The following DTNA variants were observed in gnomAD, a reference collection of about 807,000 sequenced individuals.
The protein encoded by DTNA is dystrophin-related protein 3.
In DTNA, 43 loss-of-function variants were observed where a neutral mutation model predicts 100.7. The observed-to-expected ratio is 0.43, with a 90% CI of 0.33 to 0.55. The LOEUF is 0.55. Ranked by LOEUF, DTNA falls within the 20% of genes least tolerant of loss-of-function variation. DTNA has a pLI of 0.04. For synonymous variants in DTNA, 349 were observed against 347.9 expected (o/e 1.00, Z -0.04); for missense variants, 798 against 953.9 (o/e 0.84, Z 2.15).
intron 5 of DTNA, among the ~76,000 whole-genome samples, chr18:34,808,787 G>C (rs1480881741): frequency 6.6e-6 from 1 of 152,120 alleles, no homozygotes; most frequent in Non-Finnish European, 1.5e-5. Flanking sequence ...ATCCTCTTTA[G>C]GGCAGTGAAA....
At chr18:34,666,473 GT>G (rs2075946284) in intron 1 of DTNA, among the ~76,000 whole-genome samples, 1 of 151,928 alleles carries the variant, frequency 6.6e-6, no homozygotes, top group Non-Finnish European at 1.5e-5. Flanking sequence ...TGCTTTTGGT[GT>G]TTTAGACATG....
At chr18:34,786,936 G>C (rs2094529619) in intron 3 of DTNA, among the ~76,000 whole-genome samples, 1 of 152,096 alleles carries the variant, frequency 6.6e-6, no homozygotes, top group Non-Finnish European at 1.5e-5. Flanking sequence ...AAAGGACTGA[G>C]AACTACTGAC....
intron 1 of DTNA, among the ~76,000 whole-genome samples, chr18:34,747,104 C>CTATATATATATATATATATATATATATA (rs35537934): frequency 5.7e-4 from 84 of 148,274 alleles, no homozygotes; most frequent in African/African-American, 2.1e-3. Flanking sequence ...ATATCTGTAT[C>CTATATATATATATATATATATATATATA]TATATATATA....
Position 34,746,212 on chromosome 18 carries a change from G to A in DTNA, c.-1-9764G>A, listed in dbSNP as rs576843460. On this transcript the variant is annotated intron_variant, in intron 1 of 22. Transcript: ENST00000444659. ...GGGGGGGACTTTTTAATTATTTGGGGTTTTTTTTCATTTATACCTAATCCT... is the reference window on the plus strand; with the variant it reads ...GGGGGGGACTTTTTAATTATTTGGGATTTTTTTTCATTTATACCTAATCCT... Among the ~76,000 whole-genome samples the A allele has an allele frequency of 4.7e-5, 7 of 150,192 alleles. No individual in the cohort carries two copies. In the South Asian group the frequency reaches 1.3e-3, roughly 27 times the overall value.
intron 1 of DTNA, among the ~76,000 whole-genome samples, chr18:34,613,550 A>G (rs752349107): frequency 2.6e-5 from 4 of 152,260 alleles, no homozygotes; most frequent in Admixed American, 1.3e-4. Context: ...CCAGTAAACC[A>G]TATGAATGAT....
intron 1 of DTNA, among the ~76,000 whole-genome samples, chr18:34,502,762 A>T (rs2040064163): frequency 6.6e-6 from 1 of 152,154 alleles, no homozygotes; most frequent in Admixed American, 6.5e-5. Flanking sequence ...GTTGAGGTTT[A>T]TTTTATGTCC....
intron 1 of DTNA, among the ~76,000 whole-genome samples, chr18:34,666,096 C>T (rs192139215): frequency 6.6e-6 from 1 of 152,222 alleles, no homozygotes; most frequent in Admixed American, 6.5e-5. Context: ...TGTTTCCTGA[C>T]TTTTAATGAT....
chr18:34,701,739 C>A (rs983642769), intron 1 of DTNA, among the ~76,000 whole-genome samples: 5 of 152,166 alleles, frequency 3.3e-5, no homozygotes, highest in Admixed American at 2.0e-4. Context: ...TCTCAGAATG[C>A]TGGGAGGTTG....
Position 34,798,666 on chromosome 18 carries a change from A to G in DTNA, c.362+4416A>G, listed in dbSNP as rs960515350. Among the ~76,000 whole-genome samples, 4 of 152,358 alleles carry G rather than the reference A, an allele frequency of 2.6e-5. No individual in the cohort carries two copies. In the South Asian group the frequency reaches 8.3e-4, roughly 32 times the overall value. ...ATATATACTCAGTCACTCAAAAATC[A>G]TAGTATGACAGTTAAAAATATTAAA... On this transcript the variant is annotated intron_variant, in intron 4 of 22. Coordinates refer to ENST00000444659, the MANE Select transcript of DTNA (RefSeq NM_001386795.1).
intron 1 of DTNA, chr18:34,493,866 C>T (rs1399241927): frequency 2.0e-5 from 3 of 148,098 alleles, no homozygotes; most frequent in African/African-American, 7.3e-5. Context: ...CACCTGTGCG[C>T]CGGCGCCGGC....
chr18:34,845,995 G>C (rs2096370393), intron 13 of DTNA, among the ~76,000 whole-genome samples: 1 of 152,064 alleles, frequency 6.6e-6, no homozygotes, highest in Non-Finnish European at 1.5e-5. Flanking sequence ...AAATACTCTT[G>C]AACAACTCTC....
At chr18:34,827,910 G>A (rs1247868816) in intron 10 of DTNA, among the ~76,000 whole-genome samples, 1 of 152,174 alleles carries the variant, frequency 6.6e-6, no homozygotes, top group Non-Finnish European at 1.5e-5. Flanking sequence ...TTTACCCACA[G>A]TAAGAATGTG....
At chr18:34,575,307 A>T (rs2048007903) in intron 1 of DTNA, among the ~76,000 whole-genome samples, 1 of 149,296 alleles carries the variant, frequency 6.7e-6, no homozygotes. Flanking sequence ...TTATTTTTTC[A>T]AGAGTTTGTA....
At position 34,887,790 on chromosome 18, in the gene DTNA, G is replaced by C. The variant is rs2096936609; in HGVS notation, c.*56G>C. The C allele has an allele frequency of 1.0e-6, 1 of 985,622 alleles. No individual in the cohort carries two copies. 61.1% of individuals were successfully genotyped at this position (985,622 alleles called of 1,614,324 possible). A position where few individuals can be genotyped will look rare whatever the true frequency, so the allele number is the denominator to read the frequency against. Reference sequence around the variant, plus strand: ...GGCAAGCTATAGTCAGACAGATGATGAAAGTAACATGAAAACTGGTGATGA... The same window carrying C: ...GGCAAGCTATAGTCAGACAGATGATCAAAGTAACATGAAAACTGGTGATGA... On this transcript the variant is annotated 3_prime_UTR_variant, in exon 23 of 23. Transcript: ENST00000444659.
chr18:34,628,947 C>T (rs180941830), intron 1 of DTNA, among the ~76,000 whole-genome samples: 5 of 152,174 alleles, frequency 3.3e-5, no homozygotes, highest in East Asian at 1.9e-4. Context: ...CTTCACAAAG[C>T]GCCTCCTCCC....
chr18:34,512,627 A>G (rs1470059337), intron 1 of DTNA, among the ~76,000 whole-genome samples: 1 of 152,064 alleles, frequency 6.6e-6, no homozygotes, highest in Non-Finnish European at 1.5e-5. Flanking sequence ...TTTAAGTAGG[A>G]GTGCAACCGT....
At chr18:34,728,004 C>T (rs182168721) in intron 1 of DTNA, among the ~76,000 whole-genome samples, 38 of 152,254 alleles carry the variant, frequency 2.5e-4, no homozygotes, top group Admixed American at 1.8e-3. Context: ...TCCTTAATGA[C>T]TGTCCATGGG....
At chr18:34,794,359 T>C (rs531950593) in intron 4 of DTNA, 109 bp downstream of exon 4, 7 of 1,191,222 alleles carry the variant, frequency 5.9e-6, no homozygotes, top group Non-Finnish European at 8.5e-6. Context: ...TTTTTTTTAC[T>C]CTCTTTTTTC....
At chr18:34,576,489 G>T (rs2048124359) in intron 1 of DTNA, among the ~76,000 whole-genome samples, 1 of 151,936 alleles carries the variant, frequency 6.6e-6, no homozygotes, top group Non-Finnish European at 1.5e-5. Context: ...ATTTTGAGAT[G>T]GAATCTCACT....
Sources: gnomAD v4.1 joint callset for allele counts (sites outside exome capture counted in the v4.1 genomes callset) on GRCh38, gnomAD v4.1.1 for gene constraint, MANE v1.5 for transcripts, NCBI Gene and HGNC (gene_info 2026-07-23, HGNC 2026-07-21) for gene names.